Variants in SPCS2 observed in about 807,000 individuals in gnomAD.
The protein encoded by SPCS2 is SPase 25 kDa subunit.
Under a neutral mutation model 22.3 loss-of-function variants are expected in SPCS2, and 3 were observed. The observed-to-expected ratio is 0.13, with a 90% CI of 0.06 to 0.35. The LOEUF (loss-of-function observed/expected upper bound fraction) is 0.35, where lower values mean the gene tolerates loss of function less well. SPCS2 is among the 10% of genes least tolerant of loss of function. The probability of loss-of-function intolerance (pLI) is 1.00; values close to 1 mark genes in which losing one functional copy is unlikely to be tolerated. For missense variants in SPCS2, 169 were observed against 280.9 expected (o/e 0.60, Z 2.85); for synonymous variants, 67 against 97.2 (o/e 0.69, Z 1.83).
chr11:74,977,802 G>A lies in SPCS2; in HGVS notation c.*759G>A, dbSNP rs1948624020. The A allele has an allele frequency of 1.3e-5, 2 of 152,454 alleles. No individual in the cohort carries two copies. Among genetic ancestry groups the A allele is most frequent in the Admixed American group, 1.3e-4 (2 of 15,248 alleles). 9.4% of individuals were successfully genotyped at this position (152,454 alleles called of 1,614,324 possible). ...AAGTGTTAACATCTTTCTACTATAG[G>A]TTTTTTTCATTTTTAGGCTATTTTA... is the stretch of plus-strand genomic sequence containing the variant. On this transcript the variant is annotated 3_prime_UTR_variant, in exon 5 of 5. Coordinates refer to ENST00000263672, the MANE Select transcript of SPCS2 (RefSeq NM_014752.3).
At chr11:74,962,852 A>G (rs1948522084) in intron 1 of SPCS2, among the ~76,000 whole-genome samples, 1 of 152,346 alleles carries the variant, frequency 6.6e-6, no homozygotes, top group Middle Eastern at 3.4e-3. Context: ...GGTACCAGGC[A>G]GTGAAGTTAG....
At chr11:74,963,259 G>A (rs946203971) in intron 1 of SPCS2, among the ~76,000 whole-genome samples, 6 of 152,262 alleles carry the variant, frequency 3.9e-5, no homozygotes, top group Admixed American at 2.6e-4. Context: ...GTCTATGGCA[G>A]TCAATAGTGC....
In SPCS2 at chr11:74,954,704, C is replaced by T. The variant is rs116825233; in HGVS notation, c.114+5305C>T. Among the ~76,000 whole-genome samples the T allele has an allele frequency of 9.4e-3, 1,427 of 152,128 alleles. 25 individuals carry two copies. The highest frequency in any genetic ancestry group is 0.032 in the African/African-American group (1,344 of 41,478). ...TGCAAACTGATCTTTATTAGCGTCT[C>T]AAAACTCATTATTTTTTATTTCCTC... is the stretch of plus-strand genomic sequence containing the variant. On this transcript the variant is annotated intron_variant, in intron 1 of 4. Coordinates refer to ENST00000263672, the MANE Select transcript of SPCS2 (RefSeq NM_014752.3).
At chr11:74,961,574 T>C (rs1948514632) in intron 1 of SPCS2, among the ~76,000 whole-genome samples, 1 of 152,206 alleles carries the variant, frequency 6.6e-6, no homozygotes, top group Non-Finnish European at 1.5e-5. Context: ...GGAGTCTTCC[T>C]CTGTTCACCC....
chr11:74,966,807 A>G (rs1948548761), intron 3 of SPCS2, among the ~76,000 whole-genome samples: 1 of 152,114 alleles, frequency 6.6e-6, no homozygotes, highest in Non-Finnish European at 1.5e-5. Flanking sequence ...CGTGTCACCC[A>G]GGCTGAAGTA....
chr11:74,954,065 C>T (rs1031304306), intron 1 of SPCS2, among the ~76,000 whole-genome samples: 1 of 152,242 alleles, frequency 6.6e-6, no homozygotes, highest in African/African-American at 2.4e-5. Context: ...CTTCACATGT[C>T]TCTATTACCT....
At position 74,972,896 on chromosome 11, in the gene SPCS2, T is replaced by TA. The variant is rs1565488129; in HGVS notation, c.494+3197_494+3198insA. Among the ~76,000 whole-genome samples, 202 of 78,456 alleles carry TA rather than the reference T, an allele frequency of 2.6e-3. 1 individual carries two copies. Among genetic ancestry groups the TA allele is most frequent in the South Asian group, 7.8e-3 (27 of 3,440 alleles). The allele number at this position is 78,456 out of a possible 152,430, so 51.5% of individuals were successfully genotyped here. A position where few individuals can be genotyped will look rare whatever the true frequency, so the allele number is the denominator to read the frequency against. ...TAATGTTTTATATATATATATATATTTTTTTTTTTCCTGCATACTTAGGCA... is the reference window on the plus strand; with the variant it reads ...TAATGTTTTATATATATATATATATTATTTTTTTTTCCTGCATACTTAGGCA... On this transcript the variant is annotated intron_variant, in intron 4 of 4. Transcript: ENST00000263672.
chr11:74,956,448 C>T (rs1948479318), intron 1 of SPCS2, among the ~76,000 whole-genome samples: 1 of 152,150 alleles, frequency 6.6e-6, no homozygotes, highest in Non-Finnish European at 1.5e-5. Flanking sequence ...GTAGATACCT[C>T]CATTCATCTA....
At chr11:74,951,349 G>A (rs932779316) in intron 1 of SPCS2, among the ~76,000 whole-genome samples, 1 of 152,108 alleles carries the variant, frequency 6.6e-6, no homozygotes, top group Non-Finnish European at 1.5e-5. Flanking sequence ...GATGGTGGAG[G>A]AGTAAATCAA....
chr11:74,953,489 A>G (rs1948458566), intron 1 of SPCS2, among the ~76,000 whole-genome samples: 3 of 152,118 alleles, frequency 2.0e-5, no homozygotes, highest in Admixed American at 1.3e-4. Context: ...CACCACACCC[A>G]GCCTAATATA....
chr11:74,954,043 A>G (rs1414470130), intron 1 of SPCS2, among the ~76,000 whole-genome samples: 1 of 152,128 alleles, frequency 6.6e-6, no homozygotes, highest in East Asian at 1.9e-4. Flanking sequence ...AGGCCTGAAT[A>G]TCTGCATTTT....
chr11:74,967,680 C>T (rs113527048), intron 3 of SPCS2, among the ~76,000 whole-genome samples: 82 of 152,170 alleles, frequency 5.4e-4, no homozygotes, highest in African/African-American at 1.3e-3. Flanking sequence ...ATCCAGGGGG[C>T]GGAAGTCACA....
intron 1 of SPCS2, among the ~76,000 whole-genome samples, chr11:74,952,901 A>C (rs1948454895): frequency 1.3e-5 from 2 of 152,184 alleles, no homozygotes; most frequent in Non-Finnish European, 2.9e-5. Flanking sequence ...ATGGGAATTA[A>C]GCTGTCACTT....
At chr11:74,970,678 G>C (rs1262159336) in intron 4 of SPCS2, among the ~76,000 whole-genome samples, 1 of 152,194 alleles carries the variant, frequency 6.6e-6, no homozygotes, top group African/African-American at 2.4e-5. Flanking sequence ...CCTTCATTCT[G>C]TTGTTGCAGC....
intron 3 of SPCS2, 92 bp from the exon 4 acceptor site, chr11:74,969,473 C>G (rs1182287327): frequency 4.4e-5 from 54 of 1,235,178 alleles, no homozygotes; most frequent in Non-Finnish European, 5.4e-5. Flanking sequence ...TTCTTTAGGA[C>G]TATCATTATG....
At chr11:74,952,460 C>T (rs1948452386) in intron 1 of SPCS2, among the ~76,000 whole-genome samples, 1 of 152,062 alleles carries the variant, frequency 6.6e-6, no homozygotes, top group East Asian at 1.9e-4. Flanking sequence ...AGTTTGGTTT[C>T]CTCTGCCCTT....
intron 1 of SPCS2, among the ~76,000 whole-genome samples, chr11:74,962,811 T>C (rs760766508): frequency 2.6e-5 from 4 of 152,240 alleles, no homozygotes; most frequent in Non-Finnish European, 5.9e-5. Flanking sequence ...ACTGGAAATG[T>C]TTCTTTTCCA....
At chr11:74,964,974 A>C (rs1216469056) in intron 1 of SPCS2, 60 bp from the exon 2 acceptor site, 3 of 1,196,518 alleles carry the variant, frequency 2.5e-6, no homozygotes, top group Non-Finnish European at 2.4e-6. Flanking sequence ...AAAATGGTTC[A>C]TTTTACTTTC....
chr11:74,969,208 G>T (rs1013297635), intron 3 of SPCS2, among the ~76,000 whole-genome samples: 1 of 152,028 alleles, frequency 6.6e-6, no homozygotes, highest in Non-Finnish European at 1.5e-5. Context: ...AAGTCCACTG[G>T]GACTATTCGT....
Sources: gnomAD v4.1 joint callset for allele counts (sites outside exome capture counted in the v4.1 genomes callset) on GRCh38, gnomAD v4.1.1 for gene constraint, MANE v1.5 for transcripts, NCBI Gene and HGNC (gene_info 2026-07-23, HGNC 2026-07-21) for gene names.